Variants in APP observed in about 807,000 individuals in gnomAD.
APP encodes amyloid-beta precursor protein.
A neutral mutation model predicts 101.4 loss-of-function variants in APP; 31 were observed. That is an observed-to-expected ratio of 0.31 (90% CI 0.23 to 0.41). The LOEUF is 0.41. APP is among the 10% of genes least tolerant of loss of function. The pLI, the probability that APP is intolerant of heterozygous loss-of-function variation, is 1.00. For missense variants in APP, 839 were observed against 1,003.7 expected (o/e 0.84, Z 2.22); for synonymous variants, 366 against 364.4 (o/e 1.00, Z -0.05).
chr21:26,091,510 T>C (rs1339748774), intron 2 of APP, among the ~76,000 whole-genome samples: 2 of 152,016 alleles, frequency 1.3e-5, no homozygotes, highest in African/African-American at 2.4e-5. Context: ...AACTGACAAA[T>C]TGGAATACTG....
Position 25,955,752 on chromosome 21 carries a change from G to A in APP, c.1462C>T (p.Arg488Cys), listed in dbSNP as rs2146493615. 1.9e-6 allele frequency: 3 copies of A among 1,614,096 alleles called. No homozygotes were observed. The highest frequency in any genetic ancestry group is 2.2e-5 in the East Asian group (1 of 44,892). ...TTCTTTAGCATATTGAACACGTGAC[G>A]AGGCTGTGGGAGGAAAATGAAAAAC... Reference protein sequence around the residue: ...TALQAVPPRPRHVFNMLKKYV... With the variant: ...TALQAVPPRPCHVFNMLKKYV... The change falls in exon 12 of 18, where the codon CGT becomes TGT. Residue 488 changes from arginine (R) to cysteine (C), a missense_variant. Transcript: ENST00000346798.
intron 13 of APP, among the ~76,000 whole-genome samples, chr21:25,913,343 T>TA (rs1173020105): frequency 6.6e-6 from 1 of 152,226 alleles, no homozygotes; most frequent in Non-Finnish European, 1.5e-5. Context: ...AATATATCCC[T>TA]ATTCACTGTG....
chr21:26,090,579 T>C (rs778173612), intron 2 of APP, among the ~76,000 whole-genome samples: 1 of 152,152 alleles, frequency 6.6e-6, no homozygotes, highest in Non-Finnish European at 1.5e-5. Context: ...CCAGGGGAGC[T>C]AAAATAGAAA....
At chr21:25,994,767 T>A (rs1411356198) in intron 8 of APP, among the ~76,000 whole-genome samples, 1 of 152,248 alleles carries the variant, frequency 6.6e-6, no homozygotes, top group Non-Finnish European at 1.5e-5. Context: ...CAGCTCCTTT[T>A]CTCTGAATTG....
chr21:26,136,202 A>AAAGAAAGAAAGAAAGAAAGAAAG (rs137962980), intron 1 of APP, among the ~76,000 whole-genome samples: 6,932 of 99,736 alleles, frequency 0.07, 597 homozygotes, highest in African/African-American at 0.078. Context: ...AGAAAGAAAG[A>AAAGAAAGAAAGAAAGAAAGAAAG]AAAGAAAAGA....
chr21:25,963,797 A>G (rs1367143824), intron 11 of APP, among the ~76,000 whole-genome samples: 1 of 152,084 alleles, frequency 6.6e-6, no homozygotes, highest in African/African-American at 2.4e-5. Context: ...CACCACCTTT[A>G]TTGTCTTTAA....
rs1445628380 is a variant in APP at position 26,136,181 on chromosome 21, G to GAA, written c.58-24037_58-24036dup. On this transcript the variant is annotated intron_variant, in intron 1 of 17. Coordinates refer to ENST00000346798, the MANE Select transcript of APP (RefSeq NM_000484.4). Reference sequence around the variant, plus strand: ...AAAGAAAAGAAAGAAAAGAAAGAAAGAAAGAAAGAAAGAAAGAAAGAAAAG... The same window carrying GAA: ...AAAGAAAAGAAAGAAAAGAAAGAAAGAAAAAGAAAGAAAGAAAGAAAGAAAAG... Among the ~76,000 whole-genome samples, 548 of 74,836 alleles carry GAA rather than the reference G, an allele frequency of 7.3e-3. 12 individuals carry two copies. Among genetic ancestry groups the GAA allele is most frequent in the African/African-American group, 0.057 (521 of 9,122 alleles). The allele number at this position is 74,836 out of a possible 152,430, so 49.1% of individuals were successfully genotyped here. A position where few individuals can be genotyped will look rare whatever the true frequency, so the allele number is the denominator to read the frequency against.
intron 11 of APP, among the ~76,000 whole-genome samples, chr21:25,974,336 G>C (rs571023693): frequency 1.3e-5 from 2 of 152,214 alleles, no homozygotes; most frequent in East Asian, 3.9e-4. Flanking sequence ...CTGAATGTTT[G>C]TGTCTCTCCC....
chr21:26,137,449 T>C (rs117649993), intron 1 of APP, among the ~76,000 whole-genome samples: 2,053 of 152,300 alleles, frequency 0.013, 30 homozygotes, highest in Non-Finnish European at 0.021. Context: ...TACAGGTGTG[T>C]TATAATTTCA....
rs984387839 is a variant in APP at position 26,082,850 on chromosome 21, G to C, written c.355+7093C>G. 2.0e-5 allele frequency among the ~76,000 whole-genome samples: 3 copies of C among 148,012 alleles called. No individual in the cohort carries two copies. The Admixed American group carries it at 2.0e-4, about 10-fold the overall frequency. On this transcript the variant is annotated intron_variant, in intron 3 of 17. Transcript: ENST00000346798. ...GGGTGATCAATAAAACGTACACAAT[G>C]AATACGTAACTGACCTTTTATTGGT...
intron 17 of APP, 89 bp downstream of exon 17, chr21:25,891,633 G>T (rs1326540307): frequency 7.7e-7 from 1 of 1,302,706 alleles, no homozygotes; most frequent in Non-Finnish European, 1.1e-6. Context: ...TTTTAAAAGA[G>T]ATACTTAGCT....
At chr21:26,083,041 C>A (rs2061628363) in intron 3 of APP, among the ~76,000 whole-genome samples, 1 of 152,108 alleles carries the variant, frequency 6.6e-6, no homozygotes, top group African/African-American at 2.4e-5. Context: ...ATAAAAAAAT[C>A]ATAGCTAAAT....
At chr21:26,102,398 G>A (rs1255062982) in intron 2 of APP, among the ~76,000 whole-genome samples, 2 of 151,882 alleles carry the variant, frequency 1.3e-5, no homozygotes, top group African/African-American at 4.8e-5. Flanking sequence ...CAAAACTATG[G>A]TTTTTAAAAA....
chr21:26,124,345 C>T (rs2062637902), intron 1 of APP, among the ~76,000 whole-genome samples: 1 of 152,182 alleles, frequency 6.6e-6, no homozygotes, highest in South Asian at 2.1e-4. Flanking sequence ...AACTTGTCCA[C>T]GGACTTCAGG....
At chr21:25,935,026 T>G (rs2040304535) in intron 13 of APP, 2 of 152,168 alleles carry the variant, frequency 1.3e-5, no homozygotes, top group Non-Finnish European at 2.9e-5. Flanking sequence ...GGCCTCAGTT[T>G]CAAACACTTT....
chr21:25,945,919 TCATCTG>T (rs1377822853), intron 13 of APP: 1 of 455,770 alleles, frequency 2.2e-6, no homozygotes, highest in South Asian at 1.6e-5. Context: ...TGGGCTCAAG[TCATCTG>T]CCCACCTTGG....
chr21:26,156,845 T>C (rs2063384298), intron 1 of APP, among the ~76,000 whole-genome samples: 1 of 133,600 alleles, frequency 7.5e-6, no homozygotes, highest in Admixed American at 7.8e-5. Flanking sequence ...AACTTAACTA[T>C]ATGGGCTTCA....
intron 6 of APP, among the ~76,000 whole-genome samples, chr21:26,004,587 C>T (rs1233377637): frequency 6.6e-6 from 1 of 152,052 alleles, no homozygotes. Flanking sequence ...GCACCGCGCC[C>T]GGCCTCTATT....
At chr21:26,056,679 C>T (rs1448586530) in intron 3 of APP, among the ~76,000 whole-genome samples, 1 of 152,008 alleles carries the variant, frequency 6.6e-6, no homozygotes, top group Non-Finnish European at 1.5e-5. Context: ...CCAAGATGGT[C>T]TTAGCTTCTT....
Sources: gnomAD v4.1 joint callset for allele counts (sites outside exome capture counted in the v4.1 genomes callset) on GRCh38, gnomAD v4.1.1 for gene constraint, MANE v1.5 for transcripts, NCBI Gene and HGNC (gene_info 2026-07-23, HGNC 2026-07-21) for gene names.